Variants in HRH3 observed in about 807,000 individuals in gnomAD.
HRH3 encodes the protein histamine receptor H3.
In HRH3, 13 loss-of-function variants were observed where a neutral mutation model predicts 21.6. The observed-to-expected ratio is 0.60, with a 90% CI of 0.39 to 0.96. The LOEUF (loss-of-function observed/expected upper bound fraction) is 0.96. Ranked by LOEUF, HRH3 falls within the 40% of genes least tolerant of loss-of-function variation. The probability of loss-of-function intolerance (pLI) is 0.00; values close to 1 mark genes in which losing one functional copy is unlikely to be tolerated. For synonymous variants in HRH3, 276 were observed against 290.3 expected (o/e 0.95, Z 0.50); for missense variants, 461 against 622.7 (o/e 0.74, Z 2.76).
chr20:62,216,466 C>T lies in HRH3; in HGVS notation c.878G>A (p.Gly293Asp), dbSNP rs1978555983. ...AGCCACGGAGCCGCCCCCACCGCCA[C>T]CCCCGAGGGTCGCCTCCCCGGCCTC... ...GAEAGEATLG[G>D]GGGGGSVASP... The change falls in exon 3 of 3, where the codon GGT becomes GAT. Residue 293 changes from glycine to aspartate, a missense_variant. Gly to Asp is a moderately conservative substitution (Grantham distance 94). This residue lies in a region of HRH3 where 163 missense variants were observed against 139.4 expected (regional missense o/e 1.17). Coordinates refer to ENST00000340177, the MANE Select transcript of HRH3 (RefSeq NM_007232.3). 1 of 1,548,210 alleles carries T rather than the reference C, an allele frequency of 6.5e-7. No individual in the cohort carries two copies.
In HRH3 at chr20:62,216,183, G is replaced by A. The variant is rs1182084057; in HGVS notation, c.1161C>T (p.His387=). ...TTTCGTACCAGTAGTCAGGGACGCA[G>A]TGGCCATGGCAGGCGGCCCGGATGA... is the stretch of plus-strand genomic sequence containing the variant. ...LMIIRAACHG[H]CVPDYWYETS... The change falls in exon 3 of 3, where the codon CAC becomes CAT. Residue 387 remains histidine (H), a synonymous_variant. Coordinates refer to ENST00000340177, the MANE Select transcript of HRH3 (RefSeq NM_007232.3). 1.9e-6 allele frequency: 3 copies of A among 1,613,262 alleles called. No homozygotes were observed. The South Asian group carries it at 3.3e-5, about 18-fold the overall frequency.
chr20:62,217,088 C>A (rs1978600122), intron 2 of HRH3, among the ~76,000 whole-genome samples, 162 bp from the exon 3 acceptor site: 1 of 151,952 alleles, frequency 6.6e-6, no homozygotes. Context: ...CTTCCTCTAA[C>A]CCTCCCCACT....
rs752433754 is a variant in HRH3 at position 62,216,456 on chromosome 20, C to T, written c.888G>A (p.Gly296=). 8.4e-6 allele frequency: 13 copies of T among 1,540,014 alleles called. No homozygotes were observed. Among genetic ancestry groups the T allele is most frequent in the Non-Finnish European group, 1.1e-5 (13 of 1,141,308 alleles). The change falls in exon 3 of 3, where the codon GGG becomes GGA. Residue 296 remains glycine, a synonymous_variant. Coordinates refer to ENST00000340177, the MANE Select transcript of HRH3 (RefSeq NM_007232.3). ...AGEATLGGGG[G]GGSVASPTSS... is the part of the protein sequence containing the mutation. ...AGGTGGGTGAAGCCACGGAGCCGCCCCCACCGCCACCCCCGAGGGTCGCCT... is the reference window on the plus strand; with the variant it reads ...AGGTGGGTGAAGCCACGGAGCCGCCTCCACCGCCACCCCCGAGGGTCGCCT...
At position 62,215,502 on chromosome 20, in the gene HRH3, G is replaced by A; in HGVS notation, c.*504C>T. 2.2e-6 allele frequency: 1 copy of A among 457,206 alleles called. No homozygotes were observed. The highest frequency in any genetic ancestry group is 4.4e-6 in the Non-Finnish European group (1 of 227,514). 28.3% of individuals were successfully genotyped at this position (457,206 alleles called of 1,614,324 possible). A position where few individuals can be genotyped will look rare whatever the true frequency, so the allele number is the denominator to read the frequency against. ...GCAGAGAGAGTTGGTGGGAAGAGGG[G>A]TGAAAGGGCCAGGCCTGAGGCTTAT... On this transcript the variant is annotated 3_prime_UTR_variant, in exon 3 of 3. Coordinates refer to ENST00000340177, the MANE Select transcript of HRH3 (RefSeq NM_007232.3).
In HRH3 at chr20:62,216,361, G is replaced by A. The variant is rs1444365399; in HGVS notation, c.983C>T (p.Ala328Val). The change falls in exon 3 of 3, where the codon GCG becomes GTG. Residue 328 changes from alanine (A) to valine (V), a missense_variant. By Grantham distance (64) the Ala-to-Val change is moderately conservative. Around this residue, in one of 6 missense-constraint regions of HRH3, gnomAD observed 102 missense variants for 166.6 expected, o/e 0.61. Transcript: ENST00000340177. ...RSLKRGSKPS[A>V]SSASLEKRMK... ...GCGCTTCTCCAGCGAGGCCGAGGACGCCGACGGCTTGGAGCCCCTCTTGAG... is the reference window on the plus strand; with the variant it reads ...GCGCTTCTCCAGCGAGGCCGAGGACACCGACGGCTTGGAGCCCCTCTTGAG... 15 of 1,578,882 alleles carry A rather than the reference G, an allele frequency of 9.5e-6. No homozygotes were observed. The highest frequency in any genetic ancestry group is 1.3e-5 in the African/African-American group (1 of 74,118).
At chr20:62,217,051 TCCTC>T (rs1371309714) in intron 2 of HRH3, 125 bp from the exon 3 acceptor site, 69 of 938,234 alleles carry the variant, frequency 7.4e-5, no homozygotes, top group Non-Finnish European at 9.8e-5. Flanking sequence ...TCCCCTCCTG[TCCTC>T]CCTCCCTCCC....
At position 62,218,618 on chromosome 20, in the gene HRH3, G is replaced by A; in HGVS notation, c.290C>T (p.Thr97Ile). ...CIPLYVPYVL[T>I]GRWTFGRGLC... The stretch of plus-strand genomic sequence containing the variant: ...GCCCCGGCCGAAGGTCCAGCGGCCT[G>A]TCAGCACGTAGGGTACATACAGTGG... Residue 97 changes from threonine (T) to isoleucine (I), a missense_variant, in exon 2 of 3, where the codon ACA (threonine) becomes ATA (isoleucine). This residue lies in a region of HRH3 where 102 missense variants were observed against 155.6 expected (regional missense o/e 0.66). Coordinates refer to ENST00000340177, the MANE Select transcript of HRH3 (RefSeq NM_007232.3). The surrounding 1 kb of genome is among the most constrained non-coding windows in gnomAD (Gnocchi z 5.6). 4 of 1,612,394 alleles carry A rather than the reference G, an allele frequency of 2.5e-6. No homozygotes were observed. The African/African-American group carries it at 5.3e-5, about 21-fold the overall frequency.
rs1178390264 is a variant in HRH3 at position 62,216,336 on chromosome 20, G to A, written c.1008C>T (p.Arg336=). 1 of 1,605,368 alleles carries A rather than the reference G, an allele frequency of 6.2e-7. No individual in the cohort carries two copies. The highest frequency in any genetic ancestry group is 8.5e-7 in the Non-Finnish European group (1 of 1,175,564). Reference sequence around the variant, plus strand: ...TGAAGCTCTGGGACACCATCTTCATGCGCTTCTCCAGCGAGGCCGAGGACG... The same window carrying A: ...TGAAGCTCTGGGACACCATCTTCATACGCTTCTCCAGCGAGGCCGAGGACG... ...PSASSASLEK[R]MKMVSQSFTQ... is the part of the protein sequence containing the mutation. The change falls in exon 3 of 3, where the codon CGC becomes CGT. Residue 336 remains arginine (R), a synonymous_variant. Coordinates refer to ENST00000340177, the MANE Select transcript of HRH3 (RefSeq NM_007232.3).
In HRH3 at chr20:62,216,086, G is replaced by A. The variant is rs1262505765; in HGVS notation, c.1258C>T (p.Arg420Cys). Residue 420 changes from arginine to cysteine, a missense_variant, in exon 3 of 3, where the codon CGC becomes TGC. Around this residue, in one of 6 missense-constraint regions of HRH3, gnomAD observed 102 missense variants for 166.6 expected, o/e 0.61. Transcript: ENST00000340177. ...VLYPLCHHSF[R>C]RAFTKLLCPQ... Reference sequence around the variant, plus strand: ...CAGAGCAGCTTGGTGAAGGCCCGGCGGAAGCTGTGGTGGCACAGAGGGTAG... The same window carrying A: ...CAGAGCAGCTTGGTGAAGGCCCGGCAGAAGCTGTGGTGGCACAGAGGGTAG... 4.3e-6 allele frequency: 7 copies of A among 1,611,068 alleles called. No homozygotes were observed. Among genetic ancestry groups the A allele is most frequent in the Non-Finnish European group, 5.9e-6 (7 of 1,179,152 alleles).
chr20:62,216,487 G>A lies in HRH3; in HGVS notation c.857C>T (p.Ala286Val), dbSNP rs1204015844. ...GCCACCCCCGAGGGTCGCCTCCCCGGCCTCAGCGCCTACGGCCGCCTCACC... is the reference window on the plus strand; with the variant it reads ...GCCACCCCCGAGGGTCGCCTCCCCGACCTCAGCGCCTACGGCCGCCTCACC... The part of the protein sequence containing the change: ...GVGEAAVGAE[A>V]GEATLGGGGG... The change falls in exon 3 of 3, where the codon GCC (alanine) becomes GTC (valine). Residue 286 changes from alanine to valine, a missense_variant. Ala to Val is a moderately conservative substitution (Grantham distance 64). Coordinates refer to ENST00000340177, the MANE Select transcript of HRH3 (RefSeq NM_007232.3). 2 of 1,568,254 alleles carry A rather than the reference G, an allele frequency of 1.3e-6. No individual in the cohort carries two copies. Among genetic ancestry groups the A allele is most frequent in the Non-Finnish European group, 1.7e-6 (2 of 1,157,690 alleles).
At position 62,216,261 on chromosome 20, in the gene HRH3, G is replaced by T; in HGVS notation, c.1083C>A (p.Ala361=). Reference sequence around the variant, plus strand: ...AGAGCCCAAAGATGCTCACGATGACGGCCAGCGACTTGGCCACTTTCCTGT... The same window carrying T: ...AGAGCCCAAAGATGCTCACGATGACTGCCAGCGACTTGGCCACTTTCCTGT... ...SRDRKVAKSL[A]VIVSIFGLCW... The change falls in exon 3 of 3, where the codon GCC becomes GCA. Residue 361 remains alanine, a synonymous_variant. Coordinates refer to ENST00000340177, the MANE Select transcript of HRH3 (RefSeq NM_007232.3). 6.2e-7 allele frequency: 1 copy of T among 1,612,014 alleles called. No individual in the cohort carries two copies. Among genetic ancestry groups the T allele is most frequent in the Non-Finnish European group, 8.5e-7 (1 of 1,179,248 alleles).
In HRH3 at chr20:62,219,695, C is replaced by A; in HGVS notation, c.250+26G>T. ...GGCCACGCTGGGCGCCCCTGGGTCC[C>A]CAGCGGCCAGGGGCTGGGGATTTAC... is the stretch of plus-strand genomic sequence containing the variant. On this transcript the variant is annotated intron_variant, in intron 1 of 2. Coordinates refer to ENST00000340177, the MANE Select transcript of HRH3 (RefSeq NM_007232.3). This position sits in a 1 kb window ranked among gnomAD's most constrained non-coding sequence, Gnocchi z 8.7. 1.3e-6 allele frequency: 2 copies of A among 1,581,570 alleles called. No individual in the cohort carries two copies. The highest frequency in any genetic ancestry group is 1.1e-5 in the South Asian group (1 of 87,784).
intron 2 of HRH3, among the ~76,000 whole-genome samples, chr20:62,217,282 C>T (rs924617114): frequency 2.0e-5 from 3 of 152,244 alleles, no homozygotes; most frequent in Non-Finnish European, 4.4e-5. Flanking sequence ...CCCCAGACCA[C>T]GTGCACACAC....
At position 62,216,468 on chromosome 20, in the gene HRH3, C is replaced by T. The variant is rs1389171092; in HGVS notation, c.876G>A (p.Gly292=). ...VGAEAGEATL[G]GGGGGGSVAS... ...CCACGGAGCCGCCCCCACCGCCACCCCCGAGGGTCGCCTCCCCGGCCTCAG... is the reference window on the plus strand; with the variant it reads ...CCACGGAGCCGCCCCCACCGCCACCTCCGAGGGTCGCCTCCCCGGCCTCAG... The change falls in exon 3 of 3, where the codon GGG becomes GGA. Residue 292 remains glycine (G), a synonymous_variant. Coordinates refer to ENST00000340177, the MANE Select transcript of HRH3 (RefSeq NM_007232.3). 2 of 1,550,774 alleles carry T rather than the reference C, an allele frequency of 1.3e-6. No individual in the cohort carries two copies. Among genetic ancestry groups the T allele is most frequent in the Non-Finnish European group, 1.7e-6 (2 of 1,147,752 alleles).
Position 62,218,560 on chromosome 20 carries a change from C to A in HRH3, c.348G>T (p.Leu116=). The A allele has an allele frequency of 6.2e-7, 1 of 1,612,430 alleles. No homozygotes were observed. The highest frequency in any genetic ancestry group is 8.5e-7 in the Non-Finnish European group (1 of 1,179,964). Residue 116 remains leucine (L), a synonymous_variant, in exon 2 of 3, where the codon CTG becomes CTT. Coordinates refer to ENST00000340177, the MANE Select transcript of HRH3 (RefSeq NM_007232.3). This position sits in a 1 kb window ranked among gnomAD's most constrained non-coding sequence, Gnocchi z 5.6. ...LCKLWLVVDY[L]LCTSSAFNIV... The stretch of plus-strand genomic sequence containing the variant: ...TGTTGAAGGCAGAGGAGGTGCACAG[C>A]AGGTAGTCCACTACCAGCCACAGCT...
chr20:62,220,131 G>A lies in HRH3; in HGVS notation c.-161C>T, dbSNP rs564696214. ...GCGCATGGTCCGCGGGGCCGGGGCC[G>A]GGGCCAGAGCAGGCGGTGCCGAGGG... On this transcript the variant is annotated 5_prime_UTR_variant, in exon 1 of 3. Coordinates refer to ENST00000340177, the MANE Select transcript of HRH3 (RefSeq NM_007232.3). 146 of 533,856 alleles carry A rather than the reference G, an allele frequency of 2.7e-4. No individual in the cohort carries two copies. The African/African-American group carries it at 2.9e-3, about 11-fold the overall frequency. The allele number at this position is 533,856 out of a possible 1,614,324, so 33.1% of individuals were successfully genotyped here.
rs1317197684 is a variant in HRH3 at position 62,215,993 on chromosome 20, T to A, written c.*13A>T. ...TGAGAGAGGCGTGGCTGAGGGAGGC[T>A]CTGGTGGGCCACTCACTTCCAGCAG... On this transcript the variant is annotated 3_prime_UTR_variant, in exon 3 of 3. Coordinates refer to ENST00000340177, the MANE Select transcript of HRH3 (RefSeq NM_007232.3). The A allele has an allele frequency of 6.5e-7, 1 of 1,549,450 alleles. No individual in the cohort carries two copies. The highest frequency in any genetic ancestry group is 8.7e-7 in the Non-Finnish European group (1 of 1,145,242).
At position 62,216,215 on chromosome 20, in the gene HRH3, G is replaced by A; in HGVS notation, c.1129C>T (p.Leu377=). 6.2e-7 allele frequency: 1 copy of A among 1,613,094 alleles called. No individual in the cohort carries two copies. The highest frequency in any genetic ancestry group is 2.2e-5 in the East Asian group (1 of 44,882). Residue 377 remains leucine (L), a synonymous_variant, in exon 3 of 3, where the codon CTG becomes TTG. Coordinates refer to ENST00000340177, the MANE Select transcript of HRH3 (RefSeq NM_007232.3). ...FGLCWAPYTL[L]MIIRAACHGH... Reference sequence around the variant, plus strand: ...TGGCAGGCGGCCCGGATGATCATCAGCAGCGTGTATGGGGCCCAGCAGAGC... The same window carrying A: ...TGGCAGGCGGCCCGGATGATCATCAACAGCGTGTATGGGGCCCAGCAGAGC...
At position 62,219,608 on chromosome 20, in the gene HRH3, C is replaced by T. The variant is rs1978726089; in HGVS notation, c.250+113G>A. On this transcript the variant is annotated intron_variant, in intron 1 of 2. Transcript: ENST00000340177. The surrounding 1 kb of genome is among the most constrained non-coding windows in gnomAD (Gnocchi z 8.7). The stretch of plus-strand genomic sequence containing the variant: ...CGGACGCCCCCTTCCCAGGCCGGGT[C>T]CCCTGGTGGGGCGTGTGCCTGCGGG... The T allele has an allele frequency of 5.9e-6, 8 of 1,357,620 alleles. No individual in the cohort carries two copies. The highest frequency in any genetic ancestry group is 7.9e-6 in the Non-Finnish European group (8 of 1,018,056). 84.1% of individuals were successfully genotyped at this position (1,357,620 alleles called of 1,614,324 possible). A position where few individuals can be genotyped will look rare whatever the true frequency, so the allele number is the denominator to read the frequency against.
Sources: gnomAD v4.1 joint callset for allele counts (sites outside exome capture counted in the v4.1 genomes callset) on GRCh38, gnomAD v4.1.1 for gene constraint, gnomAD v4.1.1 regional missense constraint, Gnocchi (gnomAD v3.1) non-coding constraint, MANE v1.5 for transcripts, NCBI Gene and HGNC (gene_info 2026-07-23, HGNC 2026-07-21) for gene names.